Variants in SOAT1 observed in about 807,000 individuals in gnomAD.
SOAT1 encodes sterol O-acyltransferase 1.
SOAT1 carries 55 observed loss-of-function variants against 69.5 expected under a neutral mutation model. The observed-to-expected ratio is 0.79, with a 90% CI of 0.64 to 0.99. The LOEUF is 0.99. Ranked by LOEUF, SOAT1 falls within the 50% of genes least tolerant of loss-of-function variation. The pLI, the probability that SOAT1 is intolerant of heterozygous loss-of-function variation, is 0.00. For synonymous variants in SOAT1, 231 were observed against 224.7 expected, an observed-to-expected ratio of 1.03 and a Z score of -0.25; for missense variants, 580 against 669.3, an observed-to-expected ratio of 0.87 and a Z score of 1.47.
At chr1:179,318,324 A>G (rs1032078386) in intron 2 of SOAT1, among the ~76,000 whole-genome samples, 1 of 152,186 alleles carries the variant, frequency 6.6e-6, no homozygotes, top group Non-Finnish European at 1.5e-5. Flanking sequence ...AATCTGTGAC[A>G]ATAATAAAGC....
At chr1:179,337,973 G>A in intron 5 of SOAT1, 77 bp downstream of exon 5, 1 of 963,786 alleles carries the variant, frequency 1.0e-6, no homozygotes, top group Non-Finnish European at 1.5e-6. Context: ...TTAGTATATG[G>A]ACATGTAATG....
chr1:179,295,886 C>T (rs982774444), intron 1 of SOAT1, among the ~76,000 whole-genome samples: 6 of 84,360 alleles, frequency 7.1e-5, no homozygotes, highest in South Asian at 9.1e-4. Flanking sequence ...CCGCAACCTC[C>T]GCCTCCCGGG....
Position 179,302,818 on chromosome 1 carries a change from T to TC in SOAT1, c.118+16_118+17insC. 6.8e-7 allele frequency: 1 copy of TC among 1,464,546 alleles called. No homozygotes were observed. Among genetic ancestry groups the TC allele is most frequent in the Non-Finnish European group, 9.3e-7 (1 of 1,080,112 alleles). 90.7% of individuals were successfully genotyped at this position (1,464,546 alleles called of 1,614,324 possible). A position where few individuals can be genotyped will look rare whatever the true frequency, so the allele number is the denominator to read the frequency against. ...CCTAGTAATGGTGAGGCTTAATTTT[T>TC]TTTTTTTAGGTGAATTAGTGAAATA... On this transcript the variant is annotated intron_variant, in intron 2 of 15. Coordinates refer to ENST00000367619, the MANE Select transcript of SOAT1 (RefSeq NM_003101.6).
intron 3 of SOAT1, among the ~76,000 whole-genome samples, chr1:179,330,488 TC>T (rs1452856555): frequency 6.6e-6 from 1 of 152,092 alleles, no homozygotes; most frequent in Non-Finnish European, 1.5e-5. Context: ...AGAATTCAGG[TC>T]CCTCCCATAA....
At chr1:179,320,909 A>AT (rs573309798) in intron 2 of SOAT1, among the ~76,000 whole-genome samples, 7,367 of 140,258 alleles carry the variant, frequency 0.053, 212 homozygotes, top group Middle Eastern at 0.091. Context: ...AAATTTTTGT[A>AT]TTTTTTTTTT....
chr1:179,309,418 G>C (rs940018760), intron 2 of SOAT1, among the ~76,000 whole-genome samples: 2 of 152,090 alleles, frequency 1.3e-5, no homozygotes, highest in Admixed American at 1.3e-4. Flanking sequence ...CTAGGTCAAA[G>C]GGCTTTTGCA....
chr1:179,314,611 TG>T (rs34518388), intron 2 of SOAT1, among the ~76,000 whole-genome samples: 2 of 152,164 alleles, frequency 1.3e-5, no homozygotes, highest in South Asian at 4.2e-4. Flanking sequence ...TTGTAGAGAA[TG>T]GGGGGGTCTC....
At chr1:179,311,687 T>A (rs1665227529) in intron 2 of SOAT1, among the ~76,000 whole-genome samples, 1 of 152,206 alleles carries the variant, frequency 6.6e-6, no homozygotes. Flanking sequence ...AGTAATAAAT[T>A]GTTAAATCAT....
chr1:179,353,826 A>G lies in SOAT1; in HGVS notation c.*185A>G, dbSNP rs1666826893. 3.4e-6 allele frequency: 2 copies of G among 582,722 alleles called. No individual in the cohort carries two copies. The highest frequency in any genetic ancestry group is 6.0e-6 in the Non-Finnish European group (2 of 331,550). The allele number at this position is 582,722 out of a possible 1,614,324, so 36.1% of individuals were successfully genotyped here. A position where few individuals can be genotyped will look rare whatever the true frequency, so the allele number is the denominator to read the frequency against. Reference sequence around the variant, plus strand: ...TTGGAAGTTCACTGGAGTCTTGTACACTTAAGCAGAGCAGAACTTTTTTTG... The same window carrying G: ...TTGGAAGTTCACTGGAGTCTTGTACGCTTAAGCAGAGCAGAACTTTTTTTG... On this transcript the variant is annotated 3_prime_UTR_variant, in exon 16 of 16. Transcript: ENST00000367619.
chr1:179,334,931 C>G (rs1490927226), intron 3 of SOAT1, among the ~76,000 whole-genome samples: 2 of 145,868 alleles, frequency 1.4e-5, no homozygotes, highest in African/African-American at 5.1e-5. Flanking sequence ...AGGAGAATCA[C>G]TTGAACCCAG....
At chr1:179,322,667 T>G (rs6698438) in intron 2 of SOAT1, among the ~76,000 whole-genome samples, 75,444 of 152,046 alleles carry the variant, frequency 0.5, 19,706 homozygotes, top group East Asian at 0.84. Context: ...ATTTATCTCA[T>G]ATTTTTCAGA....
chr1:179,355,459 C>T lies in SOAT1; in HGVS notation c.*1818C>T, dbSNP rs959302151. On this transcript the variant is annotated 3_prime_UTR_variant, in exon 16 of 16. Coordinates refer to ENST00000367619, the MANE Select transcript of SOAT1 (RefSeq NM_003101.6). ...TATAAATATGACTCTTATGAGAAGA[C>T]TTTGTTGCTCTGTAGTGTTTCTGAA... The T allele has an allele frequency of 6.6e-6, 1 of 152,102 alleles. No homozygotes were observed. The highest frequency in any genetic ancestry group is 1.5e-5 in the Non-Finnish European group (1 of 68,028). 9.4% of individuals were successfully genotyped at this position (152,102 alleles called of 1,614,324 possible).
chr1:179,309,232 C>T (rs908641417), intron 2 of SOAT1, among the ~76,000 whole-genome samples: 6 of 152,072 alleles, frequency 3.9e-5, no homozygotes, highest in South Asian at 2.1e-4. Flanking sequence ...TACAGGTGTG[C>T]GCCACCATGC....
Position 179,341,293 on chromosome 1 carries a change from A to G in SOAT1, c.763A>G (p.Ile255Val), listed in dbSNP as rs376114650. 6.2e-7 allele frequency: 1 copy of G among 1,614,022 alleles called. No individual in the cohort carries two copies. Among genetic ancestry groups the G allele is most frequent in the Non-Finnish European group, 8.5e-7 (1 of 1,179,964 alleles). Reference protein sequence around the residue: ...AYTLPPASRFIIIFEQIRFVM... With the variant: ...AYTLPPASRFVIIFEQIRFVM... The stretch of plus-strand genomic sequence containing the variant: ...TACACTGCCACCAGCTTCCCGGTTC[A>G]TCATTATATTCGAGCAGGTAAGGTT... Residue 255 changes from isoleucine (I) to valine (V), a missense_variant, in exon 7 of 16, where the codon ATC becomes GTC. Physicochemically the swap from Ile to Val is conservative, Grantham distance 29 (BLOSUM62 3). Transcript: ENST00000367619.
chr1:179,330,700 C>G (rs552797286), intron 3 of SOAT1, among the ~76,000 whole-genome samples: 1 of 152,334 alleles, frequency 6.6e-6, no homozygotes, highest in South Asian at 2.1e-4. Flanking sequence ...ACATGGTAGA[C>G]GTTTCTCACT....
chr1:179,311,331 A>G (rs115645067), intron 2 of SOAT1, among the ~76,000 whole-genome samples: 1 of 152,166 alleles, frequency 6.6e-6, no homozygotes, highest in Non-Finnish European at 1.5e-5. Flanking sequence ...GCACCACTGC[A>G]CTCCAACCTG....
At position 179,353,919 on chromosome 1, in the gene SOAT1, C is replaced by T; in HGVS notation, c.*278C>T. 1 of 377,690 alleles carries T rather than the reference C, an allele frequency of 2.6e-6. No individual in the cohort carries two copies. The highest frequency in any genetic ancestry group is 4.2e-5 in the South Asian group (1 of 23,882). The allele number at this position is 377,690 out of a possible 1,614,324, so 23.4% of individuals were successfully genotyped here. ...ATGACAGATTGTTGCTGGGTCATAT[C>T]AGCTTTATCCCTTGGTAATTATATC... On this transcript the variant is annotated 3_prime_UTR_variant, in exon 16 of 16. Coordinates refer to ENST00000367619, the MANE Select transcript of SOAT1 (RefSeq NM_003101.6).
chr1:179,304,637 C>G (rs922977642), intron 2 of SOAT1, among the ~76,000 whole-genome samples: 1 of 151,676 alleles, frequency 6.6e-6, no homozygotes, highest in Non-Finnish European at 1.5e-5. Flanking sequence ...TTCCCCCATC[C>G]CCTTCTCTTC....
intron 7 of SOAT1, chr1:179,341,873 A>G (rs1162656360): frequency 1.6e-5 from 4 of 247,648 alleles, no homozygotes; most frequent in African/African-American, 2.3e-5. Context: ...TTGTTTCTGA[A>G]TACTTTTTGT....
Sources: gnomAD v4.1 joint callset for allele counts (sites outside exome capture counted in the v4.1 genomes callset) on GRCh38, gnomAD v4.1.1 for gene constraint, MANE v1.5 for transcripts, NCBI Gene and HGNC (gene_info 2026-07-23, HGNC 2026-07-21) for gene names.